The following RANBP2 variants were observed in gnomAD, a reference collection of about 807,000 sequenced individuals.
RANBP2 encodes the protein E3 SUMO-protein ligase RanBP2.
Under a neutral mutation model 303.6 loss-of-function variants are expected in RANBP2, and 57 were observed. The ratio of observed to expected loss-of-function variants is 0.19; its 90% CI spans 0.15 to 0.23. The LOEUF (loss-of-function observed/expected upper bound fraction) is 0.23. RANBP2 is among the 10% of genes least tolerant of loss of function. The probability of loss-of-function intolerance (pLI) is 1.00; values close to 1 mark genes in which losing one functional copy is unlikely to be tolerated. For missense variants in RANBP2, 3,138 were observed against 3,780.8 expected (o/e 0.83, Z 4.46); for synonymous variants, 1,167 against 1,301.5 (o/e 0.90, Z 2.23).
the RANBP2 span, among the ~76,000 whole-genome samples, chr2:108,966,141 C>G: frequency 6.6e-6 from 1 of 152,152 alleles, no homozygotes; most frequent in Admixed American, 6.5e-5. Flanking sequence ...TTGATAAGAC[C>G]AACTTTGAAG....
the RANBP2 span, among the ~76,000 whole-genome samples, chr2:109,241,910 G>A: frequency 6.6e-6 from 1 of 151,764 alleles, no homozygotes; most frequent in African/African-American, 2.4e-5. Flanking sequence ...GGACTACAGG[G>A]GCCCACCACC....
the RANBP2 span, among the ~76,000 whole-genome samples, chr2:109,349,587 C>T: frequency 6.6e-6 from 1 of 152,190 alleles, no homozygotes; most frequent in Admixed American, 6.5e-5. Context: ...TCTCAGGGTC[C>T]GGTCAGGGCC....
the RANBP2 span, among the ~76,000 whole-genome samples, chr2:109,672,464 G>A: frequency 1.2e-4 from 18 of 152,296 alleles, no homozygotes; most frequent in African/African-American, 2.6e-4. Context: ...AAAAGGAAGC[G>A]GAGGATTATG....
chr2:109,479,475 T>C, the RANBP2 span, among the ~76,000 whole-genome samples: 2 of 152,192 alleles, frequency 1.3e-5, no homozygotes, highest in African/African-American at 2.4e-5. Flanking sequence ...TCCGGTTTGG[T>C]ACTTTTTAAT....
At chr2:108,775,444 A>C (rs1361709674) in intron 23 of RANBP2, among the ~76,000 whole-genome samples, 2 of 152,200 alleles carry the variant, frequency 1.3e-5, no homozygotes, top group East Asian at 3.9e-4. Flanking sequence ...GCTGGGTTAC[A>C]GGAGTGGCAG....
chr2:108,764,592 A>C lies in RANBP2; in HGVS notation c.4053A>C (p.Lys1351Asn), dbSNP rs1676978271. 6.2e-7 allele frequency: 1 copy of C among 1,613,942 alleles called. No homozygotes were observed. Among genetic ancestry groups the C allele is most frequent in the South Asian group, 1.1e-5 (1 of 91,074 alleles). Residue 1351 changes from lysine (K) to asparagine (N), a missense_variant, in exon 20 of 29, where the codon AAA becomes AAC. By Grantham distance (94) the Lys-to-Asn change is moderately conservative (BLOSUM62 0). Coordinates refer to ENST00000283195, the MANE Select transcript of RANBP2 (RefSeq NM_006267.5). ...ATTTTGAATTTCAGGTTGCAAAGAA[A>C]GAAGGGTCTTGGTGGCATTGTAACA... ...NLNFEFQVAK[K>N]EGSWWHCNSC... is the part of the protein sequence containing the mutation.
chr2:108,794,178 C>CT, the RANBP2 span, among the ~76,000 whole-genome samples: 1 of 152,152 alleles, frequency 6.6e-6, no homozygotes, highest in Non-Finnish European at 1.5e-5. Flanking sequence ...GCATGTAACA[C>CT]TTACTTGCAT....
chr2:108,763,171 G>A, intron 19 of RANBP2, 66 bp from the exon 20 acceptor site: 1 of 1,534,846 alleles, frequency 6.5e-7, no homozygotes, highest in African/African-American at 1.4e-5. Flanking sequence ...GTGAGAATTG[G>A]TTTGCATTTA....
the RANBP2 span, among the ~76,000 whole-genome samples, chr2:109,670,294 T>A: frequency 7.1e-6 from 1 of 139,974 alleles, no homozygotes; most frequent in African/African-American, 2.6e-5. Flanking sequence ...TACTGGGGGC[T>A]ATACTGCCTG....
chr2:109,113,885 G>C, the RANBP2 span, among the ~76,000 whole-genome samples: 12 of 152,350 alleles, frequency 7.9e-5, no homozygotes, highest in South Asian at 2.5e-3. Flanking sequence ...TGCATCTATT[G>C]AGATAATCAT....
chr2:109,315,339 C>A, the RANBP2 span, among the ~76,000 whole-genome samples: 5 of 152,150 alleles, frequency 3.3e-5, no homozygotes, highest in East Asian at 7.7e-4. Flanking sequence ...TAATGCCAAG[C>A]CAGGTAAAGT....
the RANBP2 span, chr2:109,545,520 G>C: frequency 1.3e-6 from 2 of 1,535,794 alleles, no homozygotes; most frequent in Non-Finnish European, 1.7e-6. Flanking sequence ...ATGCACAGGA[G>C]TTCGAATCGA....
the RANBP2 span, among the ~76,000 whole-genome samples, chr2:109,659,028 G>C: frequency 6.6e-6 from 1 of 152,014 alleles, no homozygotes; most frequent in Admixed American, 6.6e-5. Context: ...TCACGCCATT[G>C]CACTCCAGCC....
chr2:109,732,325 G>A, the RANBP2 span, among the ~76,000 whole-genome samples: 8 of 152,258 alleles, frequency 5.3e-5, no homozygotes, highest in African/African-American at 1.9e-4. Context: ...CTGGTCACCT[G>A]CTTTGTTTAC....
the RANBP2 span, among the ~76,000 whole-genome samples, chr2:109,492,478 G>A: frequency 1.4e-4 from 22 of 152,188 alleles, no homozygotes; most frequent in South Asian, 2.1e-4. Flanking sequence ...CAGGGGTGAC[G>A]TTCAGAACAC....
the RANBP2 span, among the ~76,000 whole-genome samples, chr2:108,978,679 G>A: frequency 1.4e-4 from 21 of 152,172 alleles, no homozygotes; most frequent in Non-Finnish European, 2.8e-4. Flanking sequence ...AGTGAAGTTT[G>A]GTCAGAGGAA....
chr2:109,484,669 CTTAAA>C, the RANBP2 span, among the ~76,000 whole-genome samples: 1 of 152,156 alleles, frequency 6.6e-6, no homozygotes, highest in Non-Finnish European at 1.5e-5. Context: ...TTTTTCCCCT[CTTAAA>C]TTAAAAAGAA....
chr2:109,623,304 C>T, the RANBP2 span, among the ~76,000 whole-genome samples: 1 of 152,198 alleles, frequency 6.6e-6, no homozygotes, highest in Non-Finnish European at 1.5e-5. Context: ...GTGTCCTCCT[C>T]TGTGCCCCTG....
At chr2:109,059,542 C>A in the RANBP2 span, among the ~76,000 whole-genome samples, 1 of 151,726 alleles carries the variant, frequency 6.6e-6, no homozygotes, top group Admixed American at 6.6e-5. Flanking sequence ...CACCACTGCA[C>A]TCCAGCCTGG....
Sources: allele counts gnomAD v4.1 joint callset (sites outside exome capture counted in the v4.1 genomes callset), GRCh38; gene constraint gnomAD v4.1.1; transcripts MANE v1.5; gene names NCBI Gene and HGNC (gene_info 2026-07-23, HGNC 2026-07-21).